Variants in TFCP2L1 observed in about 807,000 individuals in gnomAD.
The protein encoded by TFCP2L1 is transcription factor CP2 like 1, also known as transcription factor CP2-like protein 1.
Under a neutral mutation model 72.2 loss-of-function variants are expected in TFCP2L1, and 12 were observed. The observed-to-expected ratio is 0.17, with a 90% CI of 0.11 to 0.27. The LOEUF (loss-of-function observed/expected upper bound fraction) is 0.27. Ranked by LOEUF, TFCP2L1 falls within the 10% of genes least tolerant of loss-of-function variation. The pLI is 1.00. For synonymous variants in TFCP2L1, 260 were observed against 251.0 expected (o/e 1.04, Z -0.34); for missense variants, 488 against 624.6 (o/e 0.78, Z 2.33).
chr2:121,284,951 G>T, intron 1 of TFCP2L1, 97 bp downstream of exon 1: 2 of 1,116,730 alleles, frequency 1.8e-6, no homozygotes, highest in Non-Finnish European at 1.2e-6. Flanking sequence ...GGAGGCCAGG[G>T]CCCAGCAGGG....
intron 2 of TFCP2L1, among the ~76,000 whole-genome samples, chr2:121,267,212 C>A (rs1686948876): frequency 6.6e-6 from 1 of 152,164 alleles, no homozygotes; most frequent in African/African-American, 2.4e-5. Flanking sequence ...GCCACCGCAC[C>A]TGGCCACAAT....
At chr2:121,260,775 A>C (rs1212852756) in intron 2 of TFCP2L1, among the ~76,000 whole-genome samples, 1 of 152,214 alleles carries the variant, frequency 6.6e-6, no homozygotes, top group Non-Finnish European at 1.5e-5. Context: ...GCAGAGCAGC[A>C]TGGAAAGCCA....
rs748781426 is a variant in TFCP2L1 at position 121,234,143 on chromosome 2, A to G, written c.1146T>C (p.Asn382=). The change falls in exon 12 of 15, where the codon AAT becomes AAC. Residue 382 remains asparagine, a synonymous_variant. Transcript: ENST00000263707. ...TIYVCQELEQ[N]RVPLQQKRDG... ...CCCGCTTCTGCTGCAGGGGCACTCG[A>G]TTCTGCTCCAGCTCCTGACAGACAT... is the stretch of plus-strand genomic sequence containing the variant. 9.9e-6 allele frequency: 16 copies of G among 1,614,144 alleles called. No homozygotes were observed. In the South Asian group the frequency reaches 1.5e-4, roughly 16 times the overall value.
intron 14 of TFCP2L1, among the ~76,000 whole-genome samples, chr2:121,225,241 C>A (rs181991289): frequency 3.5e-4 from 53 of 152,294 alleles, no homozygotes; most frequent in Admixed American, 5.2e-4. Context: ...CCCATCCCGA[C>A]CCACGCTACC....
In TFCP2L1 at chr2:121,281,207, G is replaced by C; in HGVS notation, c.127C>G (p.Arg43Gly). ...EPQLSPENEARLPPLQYVLCA... is the reference protein window; with the variant it reads ...EPQLSPENEAGLPPLQYVLCA... ...AACACATATTGCAGGGGTGGCAGGC[G>C]GGCCTCGTTCTCGGGGGACAGCTGG... Residue 43 changes from arginine (R) to glycine (G), a missense_variant, in exon 2 of 15, where the codon CGC (arginine) becomes GGC (glycine). Transcript: ENST00000263707. 1.9e-6 allele frequency: 3 copies of C among 1,613,390 alleles called. No homozygotes were observed. The South Asian group carries it at 3.3e-5, about 18-fold the overall frequency.
intron 13 of TFCP2L1, among the ~76,000 whole-genome samples, chr2:121,226,942 G>T (rs1004598692): frequency 1.3e-5 from 2 of 152,184 alleles, no homozygotes; most frequent in Non-Finnish European, 2.9e-5. Context: ...AGGCTGGTTA[G>T]CGCAGCACCG....
chr2:121,246,932 G>A lies in TFCP2L1; in HGVS notation c.543C>T (p.His181=), dbSNP rs771013635. The A allele has an allele frequency of 8.3e-5, 134 of 1,614,014 alleles. No individual in the cohort carries two copies. The highest frequency in any genetic ancestry group is 1.7e-4 in the African/African-American group (13 of 74,914). The change falls in exon 6 of 15, where the codon CAC becomes CAT. Residue 181 remains histidine, a synonymous_variant. Transcript: ENST00000263707. The part of the protein sequence containing the change: ...CISTEFTPRK[H]GGEKGVPFRV... ...GAAAGGGCACTCCCTTCTCGCCCCC[G>A]TGCTTCCTGGGGGTGAATTCTGTGC...
chr2:121,253,653 T>C (rs912099152), intron 2 of TFCP2L1, among the ~76,000 whole-genome samples: 1 of 152,086 alleles, frequency 6.6e-6, no homozygotes, highest in Non-Finnish European at 1.5e-5. Flanking sequence ...AGCAAGCACC[T>C]CCTGTCCTGT....
chr2:121,241,045 G>A (rs1029383321), intron 7 of TFCP2L1, among the ~76,000 whole-genome samples: 5 of 152,192 alleles, frequency 3.3e-5, no homozygotes, highest in Admixed American at 1.3e-4. Flanking sequence ...CACCACGGCC[G>A]GCAGGGGCCT....
At chr2:121,237,922 G>C in intron 8 of TFCP2L1, 72 bp from the exon 9 acceptor site, 1 of 1,527,294 alleles carries the variant, frequency 6.5e-7, no homozygotes, top group Non-Finnish European at 9.0e-7. Flanking sequence ...CCGGCACCCA[G>C]CCTGGCACTT....
Position 121,247,641 on chromosome 2 carries a change from T to C in TFCP2L1, c.504+523A>G, listed in dbSNP as rs79990689. Among the ~76,000 whole-genome samples, 70 of 151,768 alleles carry C rather than the reference T, an allele frequency of 4.6e-4. 1 individual carries two copies. In the East Asian group the frequency reaches 0.012, roughly 26 times the overall value. Reference sequence around the variant, plus strand: ...AATGGCTCTGTATTCATTATCTGATTTGTAAGATGGGAGGTTAGAAAACTA... The same window carrying C: ...AATGGCTCTGTATTCATTATCTGATCTGTAAGATGGGAGGTTAGAAAACTA... On this transcript the variant is annotated intron_variant, in intron 5 of 14. Coordinates refer to ENST00000263707, the MANE Select transcript of TFCP2L1 (RefSeq NM_014553.3).
intron 2 of TFCP2L1, among the ~76,000 whole-genome samples, chr2:121,254,998 G>C (rs1319298954): frequency 6.6e-6 from 1 of 152,120 alleles, no homozygotes; most frequent in Admixed American, 6.5e-5. Context: ...TCCTGGATGG[G>C]GGAAGCAGAG....
intron 2 of TFCP2L1, among the ~76,000 whole-genome samples, chr2:121,275,306 G>A (rs1687124071): frequency 6.8e-6 from 1 of 147,570 alleles, no homozygotes; most frequent in Non-Finnish European, 1.5e-5. Flanking sequence ...GGCTGAGGCA[G>A]GAGAATGGCG....
chr2:121,264,190 C>T (rs973127576), intron 2 of TFCP2L1, among the ~76,000 whole-genome samples: 3 of 152,208 alleles, frequency 2.0e-5, no homozygotes, highest in African/African-American at 7.2e-5. Flanking sequence ...CCAGCCCACC[C>T]AGCCACTGGC....
chr2:121,261,165 C>T (rs1183235239), intron 2 of TFCP2L1, among the ~76,000 whole-genome samples: 1 of 152,196 alleles, frequency 6.6e-6, no homozygotes, highest in Admixed American at 6.5e-5. Flanking sequence ...CAGCAACACA[C>T]CCTAATCCTG....
Position 121,248,953 on chromosome 2 carries a change from G to T in TFCP2L1, c.397+29C>A. ...ATGTGGCCTGGGTGCCTCGAGCCTT[G>T]CCTGGCCTCTCCTGGCCAGGAGACT... On this transcript the variant is annotated intron_variant, in intron 4 of 14. Transcript: ENST00000263707. The T allele has an allele frequency of 3.9e-6, 6 of 1,530,832 alleles. No homozygotes were observed. In the South Asian group the frequency reaches 7.5e-5, roughly 19 times the overall value. 94.8% of individuals were successfully genotyped at this position (1,530,832 alleles called of 1,614,324 possible). A position where few individuals can be genotyped will look rare whatever the true frequency, so the allele number is the denominator to read the frequency against.
chr2:121,257,324 C>T (rs75169900), intron 2 of TFCP2L1, among the ~76,000 whole-genome samples: 3,371 of 152,008 alleles, frequency 0.022, 92 homozygotes, highest in East Asian at 0.13. Context: ...CTGTCCCTCC[C>T]GGGGGAGGGG....
chr2:121,269,918 A>AAAAAAAAAAT lies in TFCP2L1; in HGVS notation c.214+11201_214+11202insATTTTTTTTT. Among the ~76,000 whole-genome samples, 52 of 115,174 alleles carry AAAAAAAAAAT rather than the reference A, an allele frequency of 4.5e-4. 2 individuals are homozygous for AAAAAAAAAAT. Among genetic ancestry groups the AAAAAAAAAAT allele is most frequent in the African/African-American group, 1.8e-3 (49 of 26,930 alleles). 75.6% of individuals were successfully genotyped at this position (115,174 alleles called of 152,430 possible). ...AGCAAGACTCCATCTAAAAAAAAAA[A>AAAAAAAAAAT]ATATATATATATATATATGCAAAAG... On this transcript the variant is annotated intron_variant, in intron 2 of 14. Coordinates refer to ENST00000263707, the MANE Select transcript of TFCP2L1 (RefSeq NM_014553.3).
chr2:121,246,808 G>A lies in TFCP2L1; in HGVS notation c.657+10C>T. ...AGCAGGGCACGGCAGAGCCTGCGAA[G>A]CCATCCTACCTTGAACACCTTGATC... On this transcript the variant is annotated intron_variant, in intron 6 of 14. Transcript: ENST00000263707. 6.2e-7 allele frequency: 1 copy of A among 1,614,122 alleles called. No individual in the cohort carries two copies. Among genetic ancestry groups the A allele is most frequent in the Non-Finnish European group, 8.5e-7 (1 of 1,179,982 alleles).
Sources: gnomAD v4.1 joint callset for allele counts (sites outside exome capture counted in the v4.1 genomes callset) on GRCh38, gnomAD v4.1.1 for gene constraint, MANE v1.5 for transcripts, NCBI Gene and HGNC (gene_info 2026-07-23, HGNC 2026-07-21) for gene names.